FMNL2: variants seen among roughly 807,000 people sequenced by gnomAD.
FMNL2 encodes formin-like protein 2.
FMNL2 carries 51 observed loss-of-function variants against 130.2 expected under a neutral mutation model. The ratio of observed to expected loss-of-function variants is 0.39; its 90% CI spans 0.31 to 0.49. The LOEUF (loss-of-function observed/expected upper bound fraction) is 0.49, where lower values mean the gene tolerates loss of function less well. FMNL2 is among the 20% of genes least tolerant of loss of function. FMNL2 has a pLI of 0.85. For missense variants in FMNL2, 977 were observed against 1,316.2 expected (o/e 0.74, Z 3.99); for synonymous variants, 465 against 467.1 (o/e 1.00, Z 0.06).
rs150070714 is a variant in FMNL2 at position 152,406,571 on chromosome 2, T to C, written c.117+70851T>C. Among the ~76,000 whole-genome samples, 80 of 152,312 alleles carry C rather than the reference T, an allele frequency of 5.3e-4. 1 individual carries two copies. The highest frequency in any genetic ancestry group is 2.1e-3 in the East Asian group (11 of 5,184). On this transcript the variant is annotated intron_variant, in intron 1 of 25. Transcript: ENST00000288670. ...ACAGCCCACACTTTCTCCTCCTAGA[T>C]TTGAATTGTTATGATGGTAGCATAA...
At chr2:152,590,476 G>A (rs549346528) in intron 9 of FMNL2, among the ~76,000 whole-genome samples, 1 of 151,832 alleles carries the variant, frequency 6.6e-6, no homozygotes, top group Non-Finnish European at 1.5e-5. Context: ...AAAATTAGCT[G>A]GGTGGCATGT....
At chr2:152,636,920 A>G (rs891777355) in intron 22 of FMNL2, among the ~76,000 whole-genome samples, 7 of 151,976 alleles carry the variant, frequency 4.6e-5, no homozygotes, top group Non-Finnish European at 7.4e-5. Flanking sequence ...TTTCCTGTGT[A>G]GTGGGTTTCT....
chr2:152,617,992 C>T (rs575594797), intron 13 of FMNL2, among the ~76,000 whole-genome samples: 2 of 152,244 alleles, frequency 1.3e-5, no homozygotes, highest in African/African-American at 4.8e-5. Context: ...GGACTCAATT[C>T]AACTTCAGAC....
intron 7 of FMNL2, among the ~76,000 whole-genome samples, chr2:152,578,280 T>G (rs1696584968): frequency 6.6e-6 from 1 of 152,182 alleles, no homozygotes; most frequent in South Asian, 2.1e-4. Context: ...TACTGATCCC[T>G]GGTGTAGTCA....
intron 25 of FMNL2, among the ~76,000 whole-genome samples, chr2:152,644,648 G>A (rs768274140): frequency 6.6e-6 from 1 of 152,158 alleles, no homozygotes; most frequent in Non-Finnish European, 1.5e-5. Context: ...TGAATACAAA[G>A]GCTTAGGTCC....
At chr2:152,339,940 G>A (rs1579426932) in intron 1 of FMNL2, among the ~76,000 whole-genome samples, 1 of 152,250 alleles carries the variant, frequency 6.6e-6, no homozygotes, top group African/African-American at 2.4e-5. Flanking sequence ...CAGCACTTTG[G>A]GAGGCTGAGG....
chr2:152,515,737 T>C (rs940006347), intron 1 of FMNL2, among the ~76,000 whole-genome samples: 1 of 152,196 alleles, frequency 6.6e-6, no homozygotes, highest in East Asian at 1.9e-4. Flanking sequence ...ATAGAAAAGA[T>C]AATAACTACT....
At chr2:152,395,821 A>G (rs1041356825) in intron 1 of FMNL2, among the ~76,000 whole-genome samples, 24 of 131,656 alleles carry the variant, frequency 1.8e-4, no homozygotes, top group African/African-American at 5.4e-4. Flanking sequence ...TCTTTCAAAT[A>G]TGCTTCAACC....
intron 1 of FMNL2, among the ~76,000 whole-genome samples, chr2:152,450,719 G>A (rs1305293246): frequency 6.6e-6 from 1 of 152,134 alleles, no homozygotes; most frequent in Non-Finnish European, 1.5e-5. Flanking sequence ...ATCTCCTCCT[G>A]CTGTCTGACC....
intron 2 of FMNL2, among the ~76,000 whole-genome samples, chr2:152,527,252 G>A (rs1408709554): frequency 1.3e-5 from 2 of 152,098 alleles, no homozygotes; most frequent in Non-Finnish European, 2.9e-5. Flanking sequence ...AATAATGTCT[G>A]GTTGTCCCAT....
chr2:152,407,882 G>T (rs1487222082), intron 1 of FMNL2, among the ~76,000 whole-genome samples: 1 of 152,212 alleles, frequency 6.6e-6, no homozygotes, highest in East Asian at 1.9e-4. Context: ...GCACACAGTA[G>T]GTACTCAGTA....
chr2:152,402,305 G>T (rs1445003308), intron 1 of FMNL2, among the ~76,000 whole-genome samples: 1 of 152,204 alleles, frequency 6.6e-6, no homozygotes, highest in Non-Finnish European at 1.5e-5. Context: ...TCAGAGGGCG[G>T]AGTGGAGGGG....
chr2:152,598,752 T>A (rs1654678085), intron 9 of FMNL2, among the ~76,000 whole-genome samples: 1 of 152,144 alleles, frequency 6.6e-6, no homozygotes, highest in Admixed American at 6.5e-5. Context: ...GGCTTTCTAG[T>A]AGAAATGGGG....
chr2:152,368,414 G>A (rs1202853408), intron 1 of FMNL2, among the ~76,000 whole-genome samples: 2 of 151,530 alleles, frequency 1.3e-5, no homozygotes, highest in African/African-American at 4.8e-5. Flanking sequence ...CTTAACCCAT[G>A]TATTTTTTAA....
chr2:152,437,476 CT>C lies in FMNL2; in HGVS notation c.118-84466del, dbSNP rs539833849. 5.3e-4 allele frequency among the ~76,000 whole-genome samples: 80 copies of C among 152,310 alleles called. 1 individual carries two copies. The South Asian group carries it at 0.015, about 28-fold the overall frequency. ...GTAGAAGAATAATAATGCACCCCCC[CT>C]GCGGTGAAAAAGATGCTCTAGCCCA... is the stretch of plus-strand genomic sequence containing the variant. On this transcript the variant is annotated intron_variant, in intron 1 of 25. Coordinates refer to ENST00000288670, the MANE Select transcript of FMNL2 (RefSeq NM_052905.4).
At chr2:152,367,934 C>A (rs1274869156) in intron 1 of FMNL2, among the ~76,000 whole-genome samples, 2 of 152,132 alleles carry the variant, frequency 1.3e-5, no homozygotes, top group Non-Finnish European at 2.9e-5. Flanking sequence ...ATGTTGGCTT[C>A]ATCTGGGAAA....
intron 1 of FMNL2, among the ~76,000 whole-genome samples, chr2:152,485,177 G>A (rs1002481996): frequency 2.6e-5 from 4 of 152,168 alleles, no homozygotes; most frequent in South Asian, 2.1e-4. Context: ...GAGACCTGAT[G>A]TCTACAAAAT....
At chr2:152,353,107 G>T (rs1337710852) in intron 1 of FMNL2, among the ~76,000 whole-genome samples, 1 of 152,166 alleles carries the variant, frequency 6.6e-6, no homozygotes, top group Non-Finnish European at 1.5e-5. Flanking sequence ...CCTAGTAGAT[G>T]AGATACTGGA....
chr2:152,532,377 C>A (rs917637783), intron 2 of FMNL2, among the ~76,000 whole-genome samples: 1 of 152,074 alleles, frequency 6.6e-6, no homozygotes, highest in African/African-American at 2.4e-5. Flanking sequence ...TTCCTACCAG[C>A]GATGTAATAG....
Sources: gnomAD v4.1 joint callset for allele counts (sites outside exome capture counted in the v4.1 genomes callset) on GRCh38, gnomAD v4.1.1 for gene constraint, MANE v1.5 for transcripts, NCBI Gene and HGNC (gene_info 2026-07-23, HGNC 2026-07-21) for gene names.